The following TET1 variants were observed in gnomAD, a reference collection of about 807,000 sequenced individuals.
TET1 encodes methylcytosine dioxygenase TET1.
TET1 carries 13 observed loss-of-function variants against 148.7 expected under a neutral mutation model. That is an observed-to-expected ratio of 0.09 (90% CI 0.06 to 0.14). The LOEUF (loss-of-function observed/expected upper bound fraction) is 0.14, where lower values mean the gene tolerates loss of function less well. TET1 is among the 10% of genes least tolerant of loss of function. The pLI is 1.00. For synonymous variants in TET1, 907 were observed against 937.2 expected (o/e 0.97, Z 0.59); for missense variants, 2,182 against 2,553.8 (o/e 0.85, Z 3.14).
rs1343170835 is a variant in TET1 at position 68,680,818 on chromosome 10, G to T, written c.4825-581G>T. On this transcript the variant is annotated intron_variant, in intron 8 of 11. Transcript: ENST00000373644. The stretch of plus-strand genomic sequence containing the variant: ...AACCACTTGCCCACTTACTTCCTTT[G>T]ATCTGCAGGCATTTACTAAACCTCT... Among the ~76,000 whole-genome samples the T allele has an allele frequency of 2.6e-5, 4 of 152,268 alleles. No homozygotes were observed. The East Asian group carries it at 7.7e-4, about 29-fold the overall frequency.
At chr10:68,641,545 CTGGAGTGCAG>C (rs2054754522) in intron 3 of TET1, among the ~76,000 whole-genome samples, 3 of 151,946 alleles carry the variant, frequency 2.0e-5, no homozygotes, top group Middle Eastern at 3.4e-3. Context: ...GACTCTCAGG[CTGGAGTGCAG>C]TGGCACGATC....
rs536045530 is a variant in TET1 at position 68,571,021 on chromosome 10, C to T, written c.-122-1196C>T. 1.8e-3 allele frequency among the ~76,000 whole-genome samples: 267 copies of T among 145,938 alleles called. 4 individuals carry two copies. Among genetic ancestry groups the T allele is most frequent in the African/African-American group, 6.3e-3 (250 of 39,392 alleles). On this transcript the variant is annotated intron_variant, in intron 1 of 11. Coordinates refer to ENST00000373644, the MANE Select transcript of TET1 (RefSeq NM_030625.3). ...TTATTATTTTTCTGAGATGGAGTCT[C>T]GCTGTGTCACCCAGGCTGGAGTGCA...
chr10:68,569,995 G>A (rs925448094), intron 1 of TET1, among the ~76,000 whole-genome samples: 69 of 152,086 alleles, frequency 4.5e-4, no homozygotes, highest in African/African-American at 1.6e-3. Flanking sequence ...TTTAGGTTCA[G>A]GGGGTACATG....
chr10:68,612,023 A>C (rs1424598465), intron 3 of TET1, among the ~76,000 whole-genome samples: 1 of 151,892 alleles, frequency 6.6e-6, no homozygotes, highest in Non-Finnish European at 1.5e-5. Context: ...GAGGCTTTTC[A>C]TTCCTTTTGA....
chr10:68,657,341 TAATTTTTCG>T (rs1197292447), intron 6 of TET1, among the ~76,000 whole-genome samples: 7 of 152,130 alleles, frequency 4.6e-5, no homozygotes, highest in African/African-American at 1.7e-4. Context: ...CACAACTGGC[TAATTTTTCG>T]TATTTTTAGT....
chr10:68,691,936 AAAT>A lies in TET1; in HGVS notation c.*129_*131del, dbSNP rs1298801441. 6.6e-6 allele frequency: 8 copies of A among 1,218,024 alleles called. No individual in the cohort carries two copies. The highest frequency in any genetic ancestry group is 2.4e-5 in the Admixed American group (1 of 41,910). 75.5% of individuals were successfully genotyped at this position (1,218,024 alleles called of 1,614,324 possible). ...CACCCATTTCAAGTCTGAGGTAAAAAAATAATAATGATAACAAAACGGGGTGGG... is the reference window on the plus strand; with the variant it reads ...CACCCATTTCAAGTCTGAGGTAAAAAAATAATGATAACAAAACGGGGTGGG... On this transcript the variant is annotated 3_prime_UTR_variant, in exon 12 of 12. Coordinates refer to ENST00000373644, the MANE Select transcript of TET1 (RefSeq NM_030625.3). This position sits in a 1 kb window ranked among gnomAD's most constrained non-coding sequence, Gnocchi z 4.4.
At chr10:68,640,604 T>C (rs2054735711) in intron 3 of TET1, among the ~76,000 whole-genome samples, 1 of 127,850 alleles carries the variant, frequency 7.8e-6, no homozygotes. Context: ...CAGGCTGGAG[T>C]GCAGTGGCGC....
rs57241385 is a variant in TET1 at position 68,562,016 on chromosome 10, G to C, written c.-123+1274G>C. On this transcript the variant is annotated intron_variant, in intron 1 of 11. Coordinates refer to ENST00000373644, the MANE Select transcript of TET1 (RefSeq NM_030625.3). ...GGTTCCACTCCTGGGCACTAAACGA[G>C]CTGCACAATATGTCCTAGTAATGAC... Among the ~76,000 whole-genome samples the C allele has an allele frequency of 1.7e-3, 253 of 152,198 alleles. 4 individuals are homozygous for C. In the East Asian group the frequency reaches 0.045, roughly 27 times the overall value.
chr10:68,632,328 A>G, intron 3 of TET1: 2 of 1,513,968 alleles, frequency 1.3e-6, no homozygotes, highest in Non-Finnish European at 1.8e-6. Flanking sequence ...TTTCAAAAAA[A>G]AAAGAAAGGG....
In TET1 at chr10:68,646,484, A is replaced by C. The variant is rs2054849875; in HGVS notation, c.3755A>C (p.Glu1252Ala). Residue 1252 changes from glutamate to alanine, a missense_variant, in exon 4 of 12, where the codon GAG becomes GCG. By Grantham distance (107) the Glu-to-Ala change is moderately radical. Coordinates refer to ENST00000373644, the MANE Select transcript of TET1 (RefSeq NM_030625.3). ...IKLQRYPESA[E>A]EKVKVEPLDS... Reference sequence around the variant, plus strand: ...TTACAGAGATATCCTGAATCAGCAGAGGAAAAGGTGAAGGTTGAACCATTG... The same window carrying C: ...TTACAGAGATATCCTGAATCAGCAGCGGAAAAGGTGAAGGTTGAACCATTG... 1 of 1,614,098 alleles carries C rather than the reference A, an allele frequency of 6.2e-7. No individual in the cohort carries two copies. Among genetic ancestry groups the C allele is most frequent in the African/African-American group, 1.3e-5 (1 of 74,946 alleles).
At chr10:68,636,915 T>G (rs2054658355) in intron 3 of TET1, among the ~76,000 whole-genome samples, 1 of 152,008 alleles carries the variant, frequency 6.6e-6, no homozygotes, top group Admixed American at 6.6e-5. Flanking sequence ...GAGGCAAAGC[T>G]CCAAGAATAT....
chr10:68,584,085 G>T (rs113716271), intron 2 of TET1, among the ~76,000 whole-genome samples: 7,157 of 151,062 alleles, frequency 0.047, 275 homozygotes, highest in East Asian at 0.21. Flanking sequence ...TGTCGCCCAG[G>T]CTAGAATGCG....
At chr10:68,630,040 C>CT (rs569186991) in intron 3 of TET1, among the ~76,000 whole-genome samples, 2 of 152,052 alleles carry the variant, frequency 1.3e-5, no homozygotes, top group East Asian at 1.9e-4. Flanking sequence ...AATCTGGTAT[C>CT]TTTTTTTATT....
chr10:68,587,804 TA>T (rs1372549598), intron 2 of TET1, among the ~76,000 whole-genome samples: 1 of 152,204 alleles, frequency 6.6e-6, no homozygotes, highest in Non-Finnish European at 1.5e-5. Context: ...ATGCTGACAG[TA>T]ACCCTAACCC....
At chr10:68,609,306 C>A (rs1464758227) in intron 3 of TET1, among the ~76,000 whole-genome samples, 2 of 152,182 alleles carry the variant, frequency 1.3e-5, no homozygotes, top group South Asian at 2.1e-4. Context: ...GGATTACAGG[C>A]ATGTGCCACC....
rs1001095033 is a variant in TET1, at chr10:68,645,177, C to T, written c.2448C>T (p.Leu816=). 1 of 1,614,136 alleles carries T rather than the reference C, an allele frequency of 6.2e-7. No individual in the cohort carries two copies. Among genetic ancestry groups the T allele is most frequent in the African/African-American group, 1.3e-5 (1 of 75,052 alleles). ...SVATDMSCDH[L]KGRSNVLVFQ... ...CTACTGATATGAGTTGTGATCATCT[C>T]AAGGGGAGAAGTAACGTTTTAGTAT... The change falls in exon 4 of 12, where the codon CTC becomes CTT. Residue 816 remains leucine, a synonymous_variant. Coordinates refer to ENST00000373644, the MANE Select transcript of TET1 (RefSeq NM_030625.3).
intron 6 of TET1, among the ~76,000 whole-genome samples, chr10:68,664,435 CAG>C (rs2055166671): frequency 6.7e-6 from 1 of 149,984 alleles, no homozygotes; most frequent in African/African-American, 2.5e-5. Flanking sequence ...TTTTTTGAGA[CAG>C]AGTTTCTGTC....
intron 3 of TET1, among the ~76,000 whole-genome samples, chr10:68,616,954 G>C (rs980144898): frequency 9.4e-5 from 12 of 127,020 alleles, no homozygotes; most frequent in African/African-American, 3.6e-4. Flanking sequence ...TGATCCACCC[G>C]CCTCGGCCTC....
Position 68,682,898 on chromosome 10 carries a change from T to G in TET1, c.4977T>G (p.Ser1659=). The change falls in exon 10 of 12, where the codon TCT becomes TCG. Residue 1659 remains serine (S), a synonymous_variant. Coordinates refer to ENST00000373644, the MANE Select transcript of TET1 (RefSeq NM_030625.3). ...RLGSKEGRPF[S]GVTACLDFCA... is the part of the protein sequence containing the mutation. ...GCAGCAAGGAAGGTCGTCCCTTCTCTGGGGTCACTGCTTGCCTGGACTTCT... is the reference window on the plus strand; with the variant it reads ...GCAGCAAGGAAGGTCGTCCCTTCTCGGGGGTCACTGCTTGCCTGGACTTCT... 6.2e-7 allele frequency: 1 copy of G among 1,613,924 alleles called. No individual in the cohort carries two copies. Among genetic ancestry groups the G allele is most frequent in the Non-Finnish European group, 8.5e-7 (1 of 1,179,970 alleles).
Sources: gnomAD v4.1 joint callset for allele counts (sites outside exome capture counted in the v4.1 genomes callset) on GRCh38, gnomAD v4.1.1 for gene constraint, Gnocchi (gnomAD v3.1) non-coding constraint, MANE v1.5 for transcripts, NCBI Gene and HGNC (gene_info 2026-07-23, HGNC 2026-07-21) for gene names.